PRTG: variants seen among roughly 807,000 people sequenced by gnomAD.
The protein encoded by PRTG is immunoglobulin superfamily, DCC subclass, member 5.
Under a neutral mutation model 122.5 loss-of-function variants are expected in PRTG, and 67 were observed. The ratio of observed to expected loss-of-function variants is 0.55; its 90% CI spans 0.45 to 0.67. The LOEUF (loss-of-function observed/expected upper bound fraction) is 0.67, where lower values mean the gene tolerates loss of function less well. Ranked by LOEUF, PRTG falls within the 30% of genes least tolerant of loss-of-function variation. PRTG has a pLI of 0.00. For missense variants in PRTG, 1,435 were observed against 1,415.4 expected (o/e 1.01, Z -0.22); for synonymous variants, 554 against 501.1 (o/e 1.11, Z -1.41).
chr15:55,719,070 C>G (rs1452541845), intron 2 of PRTG, among the ~76,000 whole-genome samples: 1 of 152,098 alleles, frequency 6.6e-6, no homozygotes, highest in African/African-American at 2.4e-5. Flanking sequence ...AAAAGAATTT[C>G]ATACACATAT....
At chr15:55,716,163 G>A (rs1595672838) in intron 2 of PRTG, among the ~76,000 whole-genome samples, 2 of 152,300 alleles carry the variant, frequency 1.3e-5, no homozygotes, top group East Asian at 1.9e-4. Flanking sequence ...AACCCTAGAG[G>A]CGGAAGTTGC....
intron 11 of PRTG, among the ~76,000 whole-genome samples, chr15:55,641,409 TTTTAC>T (rs1432397589): frequency 6.6e-6 from 1 of 152,214 alleles, no homozygotes; most frequent in African/African-American, 2.4e-5. Flanking sequence ...TAATTTACAA[TTTTAC>T]TTTACTTAAT....
intron 7 of PRTG, among the ~76,000 whole-genome samples, 193 bp from the exon 8 acceptor site, chr15:55,678,237 C>G (rs966698722): frequency 6.6e-6 from 1 of 151,958 alleles, no homozygotes; most frequent in Admixed American, 6.6e-5. Flanking sequence ...TTGTCGTTTT[C>G]TTTCTGTTGT....
chr15:55,678,123 A>T, intron 7 of PRTG, 79 bp from the exon 8 acceptor site: 1 of 794,624 alleles, frequency 1.3e-6, no homozygotes, highest in Non-Finnish European at 1.9e-6. Context: ...TGCTAAATAT[A>T]CTCTCATTTT....
At chr15:55,739,330 G>A (rs974092914) in intron 2 of PRTG, among the ~76,000 whole-genome samples, 3 of 151,252 alleles carry the variant, frequency 2.0e-5, no homozygotes, top group Non-Finnish European at 4.4e-5. Context: ...AAACTCCAGG[G>A]CTCAAGGAAT....
chr15:55,630,986 A>G (rs1299062356), intron 15 of PRTG, among the ~76,000 whole-genome samples: 1 of 152,190 alleles, frequency 6.6e-6, no homozygotes, highest in Non-Finnish European at 1.5e-5. Flanking sequence ...CAAATGAAAC[A>G]TGGGGTGATC....
At chr15:55,623,916 C>G (rs2141711800) in intron 18 of PRTG, among the ~76,000 whole-genome samples, 1 of 152,138 alleles carries the variant, frequency 6.6e-6, no homozygotes, top group South Asian at 2.1e-4. Flanking sequence ...TTGGGATGTT[C>G]TGATAAGCAA....
chr15:55,739,463 G>C (rs998573605), intron 2 of PRTG, among the ~76,000 whole-genome samples: 1 of 152,020 alleles, frequency 6.6e-6, no homozygotes, highest in African/African-American at 2.4e-5. Flanking sequence ...TCAATTTGTA[G>C]GTATAGTGCG....
Position 55,740,407 on chromosome 15 carries a change from A to C in PRTG, c.372T>G (p.Ser124Arg), listed in dbSNP as rs751802351. The C allele has an allele frequency of 2.5e-6, 4 of 1,606,560 alleles. No individual in the cohort carries two copies. Among genetic ancestry groups the C allele is most frequent in the Non-Finnish European group, 3.4e-6 (4 of 1,176,120 alleles). Residue 124 changes from serine (S) to arginine (R), a missense_variant, in exon 2 of 20, where the codon AGT becomes AGG. By Grantham distance (110) the Ser-to-Arg change is moderately radical. Transcript: ENST00000389286. Reference protein sequence around the residue: ...LAMNKYGAILSQKAHLALSTI... With the variant: ...LAMNKYGAILRQKAHLALSTI... ...TTGATAAGGCAAGATGAGCTTTTTG[A>C]CTAAGAATGGCTCCATATTTGTTCA...
intron 11 of PRTG, among the ~76,000 whole-genome samples, chr15:55,644,065 C>T (rs1057440550): frequency 2.6e-5 from 4 of 152,058 alleles, no homozygotes; most frequent in African/African-American, 9.7e-5. Context: ...TTTTGAACTC[C>T]TAGCCTCAAG....
chr15:55,667,941 G>C (rs2059447966), intron 11 of PRTG, among the ~76,000 whole-genome samples: 1 of 152,120 alleles, frequency 6.6e-6, no homozygotes, highest in Admixed American at 6.6e-5. Flanking sequence ...CCAAAAATTA[G>C]CCCGGCGTGG....
intron 2 of PRTG, among the ~76,000 whole-genome samples, chr15:55,728,931 T>C (rs1228606248): frequency 1.3e-5 from 2 of 152,212 alleles, no homozygotes; most frequent in Non-Finnish European, 2.9e-5. Context: ...CATAAAGCAG[T>C]TGTGTTTATG....
chr15:55,716,323 T>C (rs1244338173), intron 2 of PRTG, among the ~76,000 whole-genome samples: 1 of 152,168 alleles, frequency 6.6e-6, no homozygotes, highest in East Asian at 1.9e-4. Context: ...TAATTTCACT[T>C]TTTATTTTAA....
chr15:55,690,319 T>C (rs920645950), intron 2 of PRTG, among the ~76,000 whole-genome samples: 2 of 152,236 alleles, frequency 1.3e-5, no homozygotes, highest in African/African-American at 4.8e-5. Flanking sequence ...GTGTCTAGTA[T>C]ATGCTAGGCG....
At chr15:55,712,190 C>T (rs147887035) in intron 2 of PRTG, among the ~76,000 whole-genome samples, 4 of 152,218 alleles carry the variant, frequency 2.6e-5, no homozygotes, top group African/African-American at 9.6e-5. Flanking sequence ...TTTCTTCCTA[C>T]ACTGATAAGT....
intron 11 of PRTG, among the ~76,000 whole-genome samples, chr15:55,669,603 C>T (rs963318478): frequency 2.0e-5 from 3 of 152,192 alleles, no homozygotes; most frequent in African/African-American, 7.2e-5. Flanking sequence ...TGGCAAGGCC[C>T]CAACACTGAC....
rs1039156808 is a variant in PRTG, at chr15:55,616,020, T to C, written c.*3992A>G. ...TCTGTCATTGTTCCCAATGTTGGCA[T>C]TGCTCGTTTCAAGCACAGACAAAAG... On this transcript the variant is annotated 3_prime_UTR_variant, in exon 20 of 20. Coordinates refer to ENST00000389286, the MANE Select transcript of PRTG (RefSeq NM_173814.6). 2.0e-5 allele frequency: 3 copies of C among 152,054 alleles called. No individual in the cohort carries two copies. The highest frequency in any genetic ancestry group is 7.2e-5 in the African/African-American group (3 of 41,402). The allele number at this position is 152,054 out of a possible 1,614,324, so 9.4% of individuals were successfully genotyped here. A position where few individuals can be genotyped will look rare whatever the true frequency, so the allele number is the denominator to read the frequency against.
chr15:55,641,140 G>C lies in PRTG; in HGVS notation c.2110C>G (p.Gln704Glu). Residue 704 changes from glutamine to glutamate, a missense_variant, in exon 12 of 20, where the codon CAG becomes GAG. By Grantham distance (29) the Gln-to-Glu change is conservative (BLOSUM62 2). Coordinates refer to ENST00000389286, the MANE Select transcript of PRTG (RefSeq NM_173814.6). ...NNIDDGYQAD[Q>E]TVSTPGCVSV... is the part of the protein sequence containing the mutation. ...ACGCATCCTGGAGTGCTGACAGTCT[G>C]ATCTGCCTGATAGCCATCGTCTATG... is the stretch of plus-strand genomic sequence containing the variant. 6.2e-7 allele frequency: 1 copy of C among 1,613,788 alleles called. No homozygotes were observed. The highest frequency in any genetic ancestry group is 8.5e-7 in the Non-Finnish European group (1 of 1,179,710).
At chr15:55,667,015 C>G (rs1053403462) in intron 11 of PRTG, among the ~76,000 whole-genome samples, 4 of 152,040 alleles carry the variant, frequency 2.6e-5, no homozygotes, top group Non-Finnish European at 4.4e-5. Flanking sequence ...TATAATAGAA[C>G]ATTGTAAATG....
Sources: allele counts gnomAD v4.1 joint callset (sites outside exome capture counted in the v4.1 genomes callset), GRCh38; gene constraint gnomAD v4.1.1; transcripts MANE v1.5; gene names NCBI Gene and HGNC (gene_info 2026-07-23, HGNC 2026-07-21).